The following STXBP5 variants were observed in gnomAD, a reference collection of about 807,000 sequenced individuals.
The protein encoded by STXBP5 is syntaxin-binding protein 5.
STXBP5 carries 50 observed loss-of-function variants against 152.4 expected under a neutral mutation model. The ratio of observed to expected loss-of-function variants is 0.33; its 90% CI spans 0.26 to 0.42. The LOEUF is 0.42. Ranked by LOEUF, STXBP5 falls within the 10% of genes least tolerant of loss-of-function variation. The pLI is 1.00. For synonymous variants in STXBP5, 492 were observed against 494.7 expected (o/e 0.99, Z 0.07); for missense variants, 1,167 against 1,388.6 (o/e 0.84, Z 2.54).
rs1562282623 is a variant in STXBP5, at chr6:147,386,178, G to A, written c.*1423G>A. 1 of 151,782 alleles carries A rather than the reference G, an allele frequency of 6.6e-6. No homozygotes were observed. Among genetic ancestry groups the A allele is most frequent in the African/African-American group, 2.4e-5 (1 of 41,374 alleles). 9.4% of individuals were successfully genotyped at this position (151,782 alleles called of 1,614,324 possible). A position where few individuals can be genotyped will look rare whatever the true frequency, so the allele number is the denominator to read the frequency against. On this transcript the variant is annotated 3_prime_UTR_variant, in exon 28 of 28. Transcript: ENST00000321680. ...GAGATTATTATTGATTGTTGTTAAA[G>A]CAACCCAGCAAAAGCAAAATGGAAG...
chr6:147,260,808 T>G (rs1301140147), intron 5 of STXBP5, 59 bp downstream of exon 5: 18 of 1,552,822 alleles, frequency 1.2e-5, no homozygotes, highest in African/African-American at 2.8e-5. Flanking sequence ...AATAATACCG[T>G]TACATCATAG....
chr6:147,213,477 T>TGCGCGCGCGCGCGCGCGC (rs1554282764), intron 2 of STXBP5, among the ~76,000 whole-genome samples: 25 of 131,274 alleles, frequency 1.9e-4, no homozygotes, highest in Non-Finnish European at 3.3e-4. Context: ...TGTGTGTGTG[T>TGCGCGCGCGCGCGCGCGC]GCGCGCGCAT....
At chr6:147,314,672 T>A (rs756421389) in intron 14 of STXBP5, 36 bp downstream of exon 14, 1 of 1,513,554 alleles carries the variant, frequency 6.6e-7, no homozygotes, top group African/African-American at 1.4e-5. Flanking sequence ...TGTTATATGT[T>A]ATACAATCAC....
intron 22 of STXBP5, among the ~76,000 whole-genome samples, chr6:147,353,862 T>C (rs1784701206): frequency 6.6e-6 from 1 of 152,210 alleles, no homozygotes; most frequent in Admixed American, 6.5e-5. Flanking sequence ...CACAGCACTT[T>C]CTGTGCAATT....
intron 2 of STXBP5, among the ~76,000 whole-genome samples, chr6:147,223,087 C>T (rs916207402): frequency 6.6e-6 from 1 of 152,214 alleles, no homozygotes; most frequent in African/African-American, 2.4e-5. Flanking sequence ...GTTTGTTCAG[C>T]TTTTTACTTC....
intron 22 of STXBP5, among the ~76,000 whole-genome samples, chr6:147,358,705 T>C (rs1269803114): frequency 4.6e-5 from 7 of 152,142 alleles, no homozygotes; most frequent in Non-Finnish European, 7.4e-5. Context: ...ACTGTATTCA[T>C]GTAATAAAGT....
chr6:147,266,971 T>C, intron 6 of STXBP5, 113 bp from the exon 7 acceptor site: 1 of 859,824 alleles, frequency 1.2e-6, no homozygotes, highest in Non-Finnish European at 1.9e-6. Context: ...TTGTTTATAT[T>C]ATACATTTAT....
intron 8 of STXBP5, among the ~76,000 whole-genome samples, chr6:147,282,478 T>C (rs762211706): frequency 2.6e-5 from 4 of 152,208 alleles, no homozygotes; most frequent in Non-Finnish European, 4.4e-5. Flanking sequence ...GCTTTATTAC[T>C]TGTAAAATGG....
chr6:147,314,651 TATTC>T lies in STXBP5; in HGVS notation c.1402+19_1402+22del, dbSNP rs756827368. ...TGCTTCTGCAAGTAAGTATTTTTAA[TATTC>T]ATTATTTGTTATATGTTATACAATC... On this transcript the variant is annotated intron_variant, in intron 14 of 27. Transcript: ENST00000321680. 1.3e-5 allele frequency: 21 copies of T among 1,596,782 alleles called. No individual in the cohort carries two copies. Among genetic ancestry groups the T allele is most frequent in the African/African-American group, 2.7e-5 (2 of 74,286 alleles).
Position 147,386,726 on chromosome 6 carries a change from G to T in STXBP5, c.*1971G>T, listed in dbSNP as rs1263076206. The T allele has an allele frequency of 6.6e-6, 1 of 151,654 alleles. No individual in the cohort carries two copies. Among genetic ancestry groups the T allele is most frequent in the Non-Finnish European group, 1.5e-5 (1 of 67,746 alleles). The allele number at this position is 151,654 out of a possible 1,614,324, so 9.4% of individuals were successfully genotyped here. On this transcript the variant is annotated 3_prime_UTR_variant, in exon 28 of 28. Coordinates refer to ENST00000321680, the MANE Select transcript of STXBP5 (RefSeq NM_001127715.4). ...CCATGATATGTCACAGGAATTGTTA[G>T]GTCCTATTTTAAAGGTACAGTTTTG...
intron 9 of STXBP5, among the ~76,000 whole-genome samples, chr6:147,301,415 A>G (rs1039575972): frequency 6.6e-6 from 1 of 152,198 alleles, no homozygotes; most frequent in Non-Finnish European, 1.5e-5. Context: ...GCATATATGT[A>G]TGTAATTTCA....
In STXBP5 at chr6:147,233,540, G is replaced by T. The variant is rs147982421; in HGVS notation, c.249-1710G>T. 3.0e-3 allele frequency among the ~76,000 whole-genome samples: 461 copies of T among 151,730 alleles called. 2 individuals are homozygous for T. Among genetic ancestry groups the T allele is most frequent in the African/African-American group, 0.011 (443 of 41,482 alleles). On this transcript the variant is annotated intron_variant, in intron 2 of 27. Coordinates refer to ENST00000321680, the MANE Select transcript of STXBP5 (RefSeq NM_001127715.4). ...ACTTAAAAAAATCAACTTATTCATT[G>T]ATTCCGATCTGGTCTCAGAAGAGAG...
At chr6:147,234,606 G>A (rs1031937188) in intron 2 of STXBP5, among the ~76,000 whole-genome samples, 1 of 151,850 alleles carries the variant, frequency 6.6e-6, no homozygotes, top group East Asian at 1.9e-4. Flanking sequence ...TCATAATAAT[G>A]CCTAATGTGG....
At chr6:147,309,204 T>C (rs1782246413) in intron 9 of STXBP5, among the ~76,000 whole-genome samples, 2 of 152,044 alleles carry the variant, frequency 1.3e-5, no homozygotes, top group Non-Finnish European at 2.9e-5. Context: ...TCATGAATAA[T>C]GGGTAAGGAG....
intron 9 of STXBP5, 95 bp from the exon 10 acceptor site, chr6:147,309,989 G>T (rs767300242): frequency 6.8e-6 from 6 of 879,480 alleles, no homozygotes; most frequent in Non-Finnish European, 9.5e-6. Flanking sequence ...TAGAATTTAA[G>T]ATTTTGTTAT....
chr6:147,269,728 A>C (rs1250176136), intron 7 of STXBP5, among the ~76,000 whole-genome samples: 1 of 152,176 alleles, frequency 6.6e-6, no homozygotes, highest in Non-Finnish European at 1.5e-5. Flanking sequence ...AAATACTCTG[A>C]ACAGTACTGC....
At chr6:147,234,895 G>C (rs1159826694) in intron 2 of STXBP5, among the ~76,000 whole-genome samples, 1 of 151,872 alleles carries the variant, frequency 6.6e-6, no homozygotes, top group African/African-American at 2.4e-5. Flanking sequence ...CAGCAAAATT[G>C]GATGTTCTAT....
At chr6:147,340,512 C>G (rs1784041836) in intron 21 of STXBP5, among the ~76,000 whole-genome samples, 1 of 151,942 alleles carries the variant, frequency 6.6e-6, no homozygotes, top group Non-Finnish European at 1.5e-5. Flanking sequence ...GCACAATAGT[C>G]TTTAACCAAT....
At chr6:147,214,754 A>G (rs967442826) in intron 2 of STXBP5, among the ~76,000 whole-genome samples, 4 of 152,214 alleles carry the variant, frequency 2.6e-5, no homozygotes, top group African/African-American at 4.8e-5. Context: ...TTCTTTTAAA[A>G]TAAACTACGA....
Sources: allele counts gnomAD v4.1 joint callset (sites outside exome capture counted in the v4.1 genomes callset), GRCh38; gene constraint gnomAD v4.1.1; transcripts MANE v1.5; gene names NCBI Gene and HGNC (gene_info 2026-07-23, HGNC 2026-07-21).